Variants in CAMK1D observed in about 807,000 individuals in gnomAD.
CAMK1D encodes calcium/calmodulin dependent protein kinase ID.
Under a neutral mutation model 47.7 loss-of-function variants are expected in CAMK1D, and 9 were observed. The ratio of observed to expected loss-of-function variants is 0.19; its 90% CI spans 0.11 to 0.33. The LOEUF is 0.33. Among genes scored for constraint, CAMK1D ranks in the 10% least tolerant of loss-of-function variants. CAMK1D has a pLI of 1.00. For synonymous variants in CAMK1D, 184 were observed against 184.9 expected, an observed-to-expected ratio of 0.99 and a Z score of 0.04; for missense variants, 291 against 488.7, an observed-to-expected ratio of 0.60 and a Z score of 3.81.
chr10:12,482,943 C>T (rs548915348), intron 1 of CAMK1D, among the ~76,000 whole-genome samples: 2 of 152,288 alleles, frequency 1.3e-5, no homozygotes, highest in South Asian at 4.1e-4. Flanking sequence ...TCTCATATTT[C>T]AGGTGGTTAA....
intron 2 of CAMK1D, among the ~76,000 whole-genome samples, chr10:12,614,895 C>G (rs1191131786): frequency 6.6e-6 from 1 of 152,192 alleles, no homozygotes; most frequent in Non-Finnish European, 1.5e-5. Flanking sequence ...TAATCAGCCC[C>G]AAGTCGCCAT....
At chr10:12,641,074 A>G (rs369252860) in intron 2 of CAMK1D, among the ~76,000 whole-genome samples, 5 of 151,952 alleles carry the variant, frequency 3.3e-5, no homozygotes, top group African/African-American at 1.2e-4. Context: ...GGTTCAAGCA[A>G]TTCTCCTGCC....
In CAMK1D at chr10:12,724,462, T is replaced by C. The variant is rs200470612; in HGVS notation, c.300-36486T>C. ...TCACTTCACTTACAGGAGTTTTGCT[T>C]GTGCAGAGGTCTCATCTGCTTTGGA... is the stretch of plus-strand genomic sequence containing the variant. On this transcript the variant is annotated intron_variant, in intron 3 of 10. Transcript: ENST00000619168. Among the ~76,000 whole-genome samples, 22 of 152,308 alleles carry C rather than the reference T, an allele frequency of 1.4e-4. No individual in the cohort carries two copies. In the East Asian group the frequency reaches 3.5e-3, roughly 24 times the overall value.
At chr10:12,734,494 A>ACACG (rs1564524651) in intron 3 of CAMK1D, among the ~76,000 whole-genome samples, 82 of 142,622 alleles carry the variant, frequency 5.7e-4, no homozygotes, top group African/African-American at 1.7e-3. Context: ...ACATATGTAT[A>ACACG]TATATACACA....
chr10:12,610,362 C>G (rs1838583514), intron 2 of CAMK1D, among the ~76,000 whole-genome samples: 1 of 152,178 alleles, frequency 6.6e-6, no homozygotes, highest in African/African-American at 2.4e-5. Flanking sequence ...TGCTGCATCT[C>G]AACGCCGAGA....
intron 2 of CAMK1D, among the ~76,000 whole-genome samples, chr10:12,571,322 G>A (rs1837317269): frequency 6.6e-6 from 1 of 151,724 alleles, no homozygotes; most frequent in Non-Finnish European, 1.5e-5. Flanking sequence ...GGTGGCGCGT[G>A]CCTGTAATCC....
intron 2 of CAMK1D, among the ~76,000 whole-genome samples, chr10:12,650,755 G>T (rs1346204714): frequency 1.3e-5 from 2 of 152,166 alleles, no homozygotes; most frequent in Non-Finnish European, 2.9e-5. Flanking sequence ...GTTGTATTAA[G>T]CAGAGCTTTC....
At chr10:12,643,349 G>A (rs1171295750) in intron 2 of CAMK1D, among the ~76,000 whole-genome samples, 2 of 152,144 alleles carry the variant, frequency 1.3e-5, no homozygotes, top group Non-Finnish European at 2.9e-5. Context: ...TTGGGCCATA[G>A]CAGGGGTCCC....
At chr10:12,629,872 G>C (rs562713436) in intron 2 of CAMK1D, among the ~76,000 whole-genome samples, 1 of 152,346 alleles carries the variant, frequency 6.6e-6, no homozygotes, top group Admixed American at 6.5e-5. Flanking sequence ...CATGTCTGTT[G>C]ATGCCTCCCA....
At chr10:12,770,838 G>A (rs909656414) in intron 5 of CAMK1D, among the ~76,000 whole-genome samples, 13 of 151,962 alleles carry the variant, frequency 8.6e-5, no homozygotes, top group African/African-American at 2.2e-4. Context: ...GAGAGGGTAC[G>A]AGCTAGGGAT....
chr10:12,756,771 A>G (rs1836244468), intron 3 of CAMK1D, among the ~76,000 whole-genome samples: 1 of 151,854 alleles, frequency 6.6e-6, no homozygotes, highest in African/African-American at 2.4e-5. Context: ...CTAAAAATAC[A>G]AAAAAAATTA....
At chr10:12,748,153 C>T (rs1424760761) in intron 3 of CAMK1D, among the ~76,000 whole-genome samples, 3 of 152,174 alleles carry the variant, frequency 2.0e-5, no homozygotes, top group Non-Finnish European at 2.9e-5. Context: ...CCTCTCTTCA[C>T]CCTCCACAGC....
intron 1 of CAMK1D, among the ~76,000 whole-genome samples, chr10:12,403,811 A>T (rs1428476845): frequency 6.6e-6 from 1 of 151,996 alleles, no homozygotes; most frequent in Non-Finnish European, 1.5e-5. Context: ...CAGCATCTCA[A>T]CTGTTCTTCC....
intron 1 of CAMK1D, among the ~76,000 whole-genome samples, chr10:12,427,155 A>C (rs2131980634): frequency 6.6e-6 from 1 of 152,324 alleles, no homozygotes; most frequent in South Asian, 2.1e-4. Context: ...ACTGGGCATC[A>C]CTGGCATTTC....
chr10:12,762,485 G>A (rs568536112), intron 4 of CAMK1D, among the ~76,000 whole-genome samples: 2 of 152,216 alleles, frequency 1.3e-5, no homozygotes, highest in South Asian at 4.2e-4. Context: ...ATTGACCCAG[G>A]CAGTGATTCC....
At chr10:12,807,717 G>A (rs148793059) in intron 6 of CAMK1D, among the ~76,000 whole-genome samples, 3 of 152,274 alleles carry the variant, frequency 2.0e-5, no homozygotes, top group African/African-American at 7.2e-5. Flanking sequence ...GGACCTTTGA[G>A]GCATCCTGGC....
chr10:12,812,721 G>A (rs1832656288), intron 6 of CAMK1D, among the ~76,000 whole-genome samples: 1 of 152,184 alleles, frequency 6.6e-6, no homozygotes, highest in Non-Finnish European at 1.5e-5. Context: ...CTGGCCTTCT[G>A]GAATCAAGCT....
chr10:12,387,342 ATATAT>A lies in CAMK1D; in HGVS notation c.92+37439_92+37443del, dbSNP rs1451338528. On this transcript the variant is annotated intron_variant, in intron 1 of 10. Coordinates refer to ENST00000619168, the MANE Select transcript of CAMK1D (RefSeq NM_153498.4). The stretch of plus-strand genomic sequence containing the variant: ...CTAACTTTCATTGAGTTTGAGATAT[ATATAT>A]TATATTTTATATATATAATATATAT... Among the ~76,000 whole-genome samples the A allele has an allele frequency of 2.6e-3, 362 of 138,978 alleles. 6 individuals are homozygous for A. The East Asian group carries it at 0.033, about 13-fold the overall frequency. 91.2% of individuals were successfully genotyped at this position (138,978 alleles called of 152,430 possible). A position where few individuals can be genotyped will look rare whatever the true frequency, so the allele number is the denominator to read the frequency against.
intron 2 of CAMK1D, among the ~76,000 whole-genome samples, chr10:12,568,391 C>A (rs2132307753): frequency 4.8e-5 from 1 of 20,880 alleles, no homozygotes; most frequent in Admixed American, 4.3e-4. Flanking sequence ...CTCCTTCTCC[C>A]CTCCCCTTCC....
Sources: gnomAD v4.1 joint callset for allele counts (sites outside exome capture counted in the v4.1 genomes callset) on GRCh38, gnomAD v4.1.1 for gene constraint, MANE v1.5 for transcripts, NCBI Gene and HGNC (gene_info 2026-07-23, HGNC 2026-07-21) for gene names.